Variants in STXBP5 observed in about 807,000 individuals in gnomAD.
The protein encoded by STXBP5 is syntaxin binding protein 5.
Under a neutral mutation model 152.4 loss-of-function variants are expected in STXBP5, and 50 were observed. That is an observed-to-expected ratio of 0.33 (90% CI 0.26 to 0.42). The LOEUF is 0.42. Ranked by LOEUF, STXBP5 falls within the 10% of genes least tolerant of loss-of-function variation. The pLI is 1.00. For synonymous variants in STXBP5, 492 were observed against 494.7 expected (o/e 0.99, Z 0.07); for missense variants, 1,167 against 1,388.6 (o/e 0.84, Z 2.54).
intron 18 of STXBP5, among the ~76,000 whole-genome samples, chr6:147,328,267 C>A (rs772529479): frequency 6.6e-5 from 10 of 152,136 alleles, no homozygotes; most frequent in Non-Finnish European, 4.4e-5. Context: ...CCTGCAGAAT[C>A]CAGTTTCCCC....
chr6:147,275,804 G>A lies in STXBP5; in HGVS notation c.715-2277G>A, dbSNP rs1295743183. Among the ~76,000 whole-genome samples the A allele has an allele frequency of 2.0e-5, 3 of 151,808 alleles. No homozygotes were observed. The South Asian group carries it at 6.2e-4, about 32-fold the overall frequency. On this transcript the variant is annotated intron_variant, in intron 7 of 27. Transcript: ENST00000321680. The stretch of plus-strand genomic sequence containing the variant: ...GATCTCCTGACCTCATGATCCACCC[G>A]CCTTGGCCTCCCAAAGTGCTGGGAT...
In STXBP5 at chr6:147,339,376, A is replaced by G. The variant is rs777287411; in HGVS notation, c.2246A>G (p.Asn749Ser). 29 of 1,498,680 alleles carry G rather than the reference A, an allele frequency of 1.9e-5. No individual in the cohort carries two copies. Among genetic ancestry groups the G allele is most frequent in the Non-Finnish European group, 2.6e-5 (29 of 1,131,648 alleles). 92.8% of individuals were successfully genotyped at this position (1,498,680 alleles called of 1,614,324 possible). A position where few individuals can be genotyped will look rare whatever the true frequency, so the allele number is the denominator to read the frequency against. ...AGAAAGTTTTCCAAGATGGTAGCCA[A>G]TGATATAGGTAGGAAATAGAAATTT... ...KSRKFSKMVA[N>S]DIAKMSRKLS... The change falls in exon 21 of 28, where the codon AAT becomes AGT. Residue 749 changes from asparagine (N) to serine (S), a missense_variant. Coordinates refer to ENST00000321680, the MANE Select transcript of STXBP5 (RefSeq NM_001127715.4).
chr6:147,361,341 C>T (rs1037741943), intron 23 of STXBP5, among the ~76,000 whole-genome samples: 1 of 152,110 alleles, frequency 6.6e-6, no homozygotes. Context: ...ATTTAGTATA[C>T]TTTCCAACTT....
intron 2 of STXBP5, among the ~76,000 whole-genome samples, chr6:147,228,880 T>C (rs1228909890): frequency 6.6e-6 from 1 of 152,102 alleles, no homozygotes; most frequent in Non-Finnish European, 1.5e-5. Context: ...GATTTTAATT[T>C]ACAAGGGAAA....
chr6:147,285,535 A>T (rs1435101553), intron 8 of STXBP5, among the ~76,000 whole-genome samples: 1 of 151,894 alleles, frequency 6.6e-6, no homozygotes, highest in African/African-American at 2.4e-5. Context: ...CACTCTAAAC[A>T]CTGCAACATT....
intron 26 of STXBP5, 21 bp downstream of exon 26, chr6:147,373,863 C>G (rs544473420): frequency 6.4e-7 from 1 of 1,558,004 alleles, no homozygotes; most frequent in Admixed American, 1.7e-5. Flanking sequence ...TTATTTAATT[C>G]GGATAATATA....
Position 147,315,697 on chromosome 6 carries a change from A to G in STXBP5, c.1585A>G (p.Arg529Gly), listed in dbSNP as rs1436374561. 6 of 1,613,606 alleles carry G rather than the reference A, an allele frequency of 3.7e-6. No homozygotes were observed. The highest frequency in any genetic ancestry group is 5.1e-6 in the Non-Finnish European group (6 of 1,179,740). The change falls in exon 15 of 28, where the codon AGA becomes GGA. Residue 529 changes from arginine to glycine, a missense_variant. Around this residue, in one of 3 missense-constraint regions of STXBP5, gnomAD observed 833 missense variants for 986.3 expected, o/e 0.84. Transcript: ENST00000321680. ...AGVSAHVIIYRFSKQEVITEV... is the reference protein window; with the variant it reads ...AGVSAHVIIYGFSKQEVITEV... Reference sequence around the variant, plus strand: ...AGTTTCAGCTCATGTCATTATTTATAGATTCAGCAAGCAGGAAGTAATCAC... The same window carrying G: ...AGTTTCAGCTCATGTCATTATTTATGGATTCAGCAAGCAGGAAGTAATCAC...
intron 8 of STXBP5, among the ~76,000 whole-genome samples, chr6:147,282,007 A>G (rs1780725668): frequency 6.6e-6 from 1 of 152,182 alleles, no homozygotes. Flanking sequence ...TCATTCTACA[A>G]ATATTTATTG....
Position 147,389,959 on chromosome 6 carries a change from C to T in STXBP5, c.*5204C>T, listed in dbSNP as rs1786515384. The T allele has an allele frequency of 6.6e-6, 1 of 151,550 alleles. No individual in the cohort carries two copies. Among genetic ancestry groups the T allele is most frequent in the African/African-American group, 2.4e-5 (1 of 41,276 alleles). 9.4% of individuals were successfully genotyped at this position (151,550 alleles called of 1,614,324 possible). On this transcript the variant is annotated 3_prime_UTR_variant, in exon 28 of 28. Coordinates refer to ENST00000321680, the MANE Select transcript of STXBP5 (RefSeq NM_001127715.4). ...TATTGGTTCATTGTAAATGCATTAC[C>T]AAAAGACAATATGAAAAAGAGCAAG...
At chr6:147,350,520 G>A (rs1356021652) in intron 21 of STXBP5, among the ~76,000 whole-genome samples, 2 of 152,108 alleles carry the variant, frequency 1.3e-5, no homozygotes, top group East Asian at 3.8e-4. Flanking sequence ...ATAAATCACT[G>A]AAGTTATTAC....
At chr6:147,254,071 G>T (rs2115300635) in intron 4 of STXBP5, among the ~76,000 whole-genome samples, 1 of 152,264 alleles carries the variant, frequency 6.6e-6, no homozygotes, top group Middle Eastern at 3.4e-3. Flanking sequence ...AACCAAAATA[G>T]CATGGTACTG....
intron 4 of STXBP5, among the ~76,000 whole-genome samples, chr6:147,253,654 TAGAG>T (rs965875198): frequency 1.1e-4 from 17 of 150,520 alleles, no homozygotes; most frequent in African/African-American, 4.1e-4. Flanking sequence ...CCTAGACAAA[TAGAG>T]ACAGAGAGCC....
intron 9 of STXBP5, among the ~76,000 whole-genome samples, chr6:147,309,234 T>C (rs1186828381): frequency 6.6e-6 from 1 of 152,076 alleles, no homozygotes; most frequent in African/African-American, 2.4e-5. Context: ...TACACTGACC[T>C]TAGATTAAGC....
chr6:147,322,413 G>A (rs758734899), intron 16 of STXBP5, among the ~76,000 whole-genome samples: 27 of 152,314 alleles, frequency 1.8e-4, no homozygotes, highest in Non-Finnish European at 2.6e-4. Flanking sequence ...AGTTCAATTC[G>A]TATAAGCAGT....
intron 16 of STXBP5, among the ~76,000 whole-genome samples, chr6:147,324,253 G>GT (rs1366562253): frequency 7.4e-5 from 7 of 94,210 alleles, no homozygotes; most frequent in African/African-American, 1.8e-4. Flanking sequence ...GTTTTGTGGG[G>GT]TTTTTTTTTG....
intron 19 of STXBP5, among the ~76,000 whole-genome samples, chr6:147,335,822 A>G (rs1321206702): frequency 6.6e-6 from 1 of 152,280 alleles, no homozygotes; most frequent in East Asian, 1.9e-4. Context: ...AAAAAGAAAA[A>G]GTAAATAAAG....
intron 16 of STXBP5, among the ~76,000 whole-genome samples, chr6:147,322,133 A>G (rs1002887688): frequency 6.6e-6 from 1 of 152,170 alleles, no homozygotes; most frequent in Non-Finnish European, 1.5e-5. Flanking sequence ...AATATGCCAG[A>G]GGGAGGGAGG....
chr6:147,360,567 C>A (rs1287261721), intron 23 of STXBP5, among the ~76,000 whole-genome samples: 2 of 151,922 alleles, frequency 1.3e-5, no homozygotes, highest in African/African-American at 4.8e-5. Flanking sequence ...ATTCCTAATA[C>A]CTCAAGCAAA....
chr6:147,338,686 C>G (rs1243401501), intron 19 of STXBP5, among the ~76,000 whole-genome samples: 1 of 150,782 alleles, frequency 6.6e-6, no homozygotes, highest in Non-Finnish European at 1.5e-5. Flanking sequence ...TTTTAAAGAT[C>G]CCTTATTGTA....
Sources: allele counts gnomAD v4.1 joint callset (sites outside exome capture counted in the v4.1 genomes callset), GRCh38; gene constraint gnomAD v4.1.1; regional missense constraint gnomAD v4.1.1; transcripts MANE v1.5; gene names NCBI Gene and HGNC (gene_info 2026-07-23, HGNC 2026-07-21).